GABRA2: variants seen among roughly 807,000 people sequenced by gnomAD.
GABRA2 encodes the protein gamma-aminobutyric acid receptor subunit alpha-2.
Under a neutral mutation model 48.7 loss-of-function variants are expected in GABRA2, and 16 were observed. The ratio of observed to expected loss-of-function variants is 0.33; its 90% CI spans 0.22 to 0.50. GABRA2 has a LOEUF of 0.50. Ranked by LOEUF, GABRA2 falls within the 20% of genes least tolerant of loss-of-function variation. The probability of loss-of-function intolerance (pLI) is 0.98; values close to 1 mark genes in which losing one functional copy is unlikely to be tolerated. For missense variants in GABRA2, 275 were observed against 535.6 expected (o/e 0.51, Z 4.80); for synonymous variants, 185 against 184.5 (o/e 1.00, Z -0.02).
At chr4:46,337,650 CAAAAAA>C (rs71652880) in intron 3 of GABRA2, among the ~76,000 whole-genome samples, 1 of 107,738 alleles carries the variant, frequency 9.3e-6, no homozygotes, top group African/African-American at 3.5e-5. Flanking sequence ...TTGTTAAGAC[CAAAAAA>C]AAAAAAAAAA....
In GABRA2 at chr4:46,312,691, C is replaced by T; in HGVS notation, c.281G>A (p.Arg94Gln). Residue 94 changes from arginine (R) to glutamine (Q), a missense_variant, in exon 5 of 10, where the codon CGA (arginine) becomes CAA (glutamine). Transcript: ENST00000381620. The part of the protein sequence containing the change: ...DMEYTIDVFF[R>Q]QKWKDERLKF... ...TAAACGTTCATCTTTCCATTTTTGTCGAAAGAAAACATCAATTGTATATTC... is the reference window on the plus strand; with the variant it reads ...TAAACGTTCATCTTTCCATTTTTGTTGAAAGAAAACATCAATTGTATATTC... 1 of 1,489,424 alleles carries T rather than the reference C, an allele frequency of 6.7e-7. No homozygotes were observed. Among genetic ancestry groups the T allele is most frequent in the African/African-American group, 1.4e-5 (1 of 69,024 alleles). The allele number at this position is 1,489,424 out of a possible 1,614,324, so 92.3% of individuals were successfully genotyped here. A position where few individuals can be genotyped will look rare whatever the true frequency, so the allele number is the denominator to read the frequency against.
At chr4:46,304,741 AAC>A (rs1263127420) in intron 7 of GABRA2, among the ~76,000 whole-genome samples, 3 of 151,898 alleles carry the variant, frequency 2.0e-5, no homozygotes. Context: ...CATCCTGGCC[AAC>A]AAAGTGAAAC....
intron 2 of GABRA2, 146 bp from the exon 3 acceptor site, chr4:46,386,335 T>C (rs1416127259): frequency 4.5e-5 from 26 of 572,360 alleles, no homozygotes; most frequent in Non-Finnish European, 7.0e-5. Flanking sequence ...CTTCTATAAA[T>C]ATCGGTTTGT....
At chr4:46,255,976 G>A (rs541448446) in intron 9 of GABRA2, among the ~76,000 whole-genome samples, 3 of 151,406 alleles carry the variant, frequency 2.0e-5, no homozygotes, top group African/African-American at 7.2e-5. Context: ...TAAAGAAATG[G>A]GGCTCTCATT....
chr4:46,389,152 C>T, intron 1 of GABRA2: 1 of 990,654 alleles, frequency 1.0e-6, no homozygotes, highest in African/African-American at 1.7e-5. Context: ...CGCCACAACC[C>T]CCTCAACCAA....
chr4:46,303,367 C>T, intron 8 of GABRA2, 93 bp downstream of exon 8: 2 of 1,300,106 alleles, frequency 1.5e-6, no homozygotes, highest in Non-Finnish European at 1.1e-6. Context: ...CCACCTACTA[C>T]AAATAATTAG....
At chr4:46,297,020 C>G (rs929004590) in intron 8 of GABRA2, among the ~76,000 whole-genome samples, 7 of 152,044 alleles carry the variant, frequency 4.6e-5, no homozygotes, top group African/African-American at 1.7e-4. Context: ...TTATTATTGT[C>G]TTTATTTGAA....
At chr4:46,288,835 C>T (rs774007674) in intron 8 of GABRA2, among the ~76,000 whole-genome samples, 10 of 151,842 alleles carry the variant, frequency 6.6e-5, no homozygotes, top group Non-Finnish European at 1.2e-4. Flanking sequence ...GTCTAACATC[C>T]AGCATCTATA....
At chr4:46,388,220 A>T (rs1717738843) in intron 2 of GABRA2, among the ~76,000 whole-genome samples, 1 of 151,594 alleles carries the variant, frequency 6.6e-6, no homozygotes, top group South Asian at 2.1e-4. Context: ...CCATACCATT[A>T]AAAAAAGAAA....
intron 3 of GABRA2, among the ~76,000 whole-genome samples, chr4:46,337,016 A>ATTTTATATATAT (rs1457104567): frequency 6.6e-6 from 1 of 152,172 alleles, no homozygotes; most frequent in African/African-American, 2.4e-5. Flanking sequence ...AAATCTTTGC[A>ATTTTATATATAT]AAACTATGAA....
Position 46,368,896 on chromosome 4 carries a change from G to A in GABRA2, c.187+17178C>T, listed in dbSNP as rs1165141569. 6.2e-6 allele frequency: 4 copies of A among 640,166 alleles called. No homozygotes were observed. The African/African-American group carries it at 7.2e-5, about 12-fold the overall frequency. The allele number at this position is 640,166 out of a possible 1,614,324, so 39.7% of individuals were successfully genotyped here. On this transcript the variant is annotated intron_variant, in intron 3 of 9. Coordinates refer to ENST00000381620, the MANE Select transcript of GABRA2 (RefSeq NM_000807.4). The stretch of plus-strand genomic sequence containing the variant: ...TCTCCAGTTCTTCAATCTCCATTAT[G>A]CTCCACTCATTCCTTTATTTGTTCT...
At chr4:46,252,374 C>G (rs190818555) in intron 9 of GABRA2, among the ~76,000 whole-genome samples, 4 of 151,414 alleles carry the variant, frequency 2.6e-5, no homozygotes, top group Non-Finnish European at 4.4e-5. Flanking sequence ...GAAATTATAG[C>G]GAACACTTTT....
At chr4:46,273,249 T>G (rs1178495665) in intron 8 of GABRA2, among the ~76,000 whole-genome samples, 4 of 151,774 alleles carry the variant, frequency 2.6e-5, no homozygotes, top group Non-Finnish European at 5.9e-5. Context: ...TTGTTTTTCA[T>G]TTTTTAAATT....
In GABRA2 at chr4:46,277,028, G is replaced by T. The variant is rs186380137; in HGVS notation, c.857-14900C>A. Among the ~76,000 whole-genome samples the T allele has an allele frequency of 7.5e-3, 1,141 of 152,042 alleles. 3 individuals carry two copies. The highest frequency in any genetic ancestry group is 0.012 in the Non-Finnish European group (844 of 67,996). ...AAAAAGAAATCACCAAAAAACAATT[G>T]CATATACTTTTAATTCCCCCCTATG... On this transcript the variant is annotated intron_variant, in intron 8 of 9. Coordinates refer to ENST00000381620, the MANE Select transcript of GABRA2 (RefSeq NM_000807.4).
intron 3 of GABRA2, among the ~76,000 whole-genome samples, chr4:46,341,067 A>T (rs1455607012): frequency 6.6e-6 from 1 of 151,820 alleles, no homozygotes; most frequent in Non-Finnish European, 1.5e-5. Context: ...GGTTTCTATG[A>T]GATCCTTTAA....
At chr4:46,323,056 G>A (rs1183925492) in intron 4 of GABRA2, among the ~76,000 whole-genome samples, 2 of 151,570 alleles carry the variant, frequency 1.3e-5, no homozygotes, top group Non-Finnish European at 2.9e-5. Flanking sequence ...TTTACAGAAT[G>A]TATATAGTAT....
intron 9 of GABRA2, among the ~76,000 whole-genome samples, chr4:46,255,211 C>T (rs541835323): frequency 3.3e-4 from 50 of 151,702 alleles, no homozygotes; most frequent in South Asian, 1.0e-3. Context: ...GAAACGTTTG[C>T]TTAATGATAA....
chr4:46,251,511 C>T (rs1022141770), intron 9 of GABRA2, among the ~76,000 whole-genome samples: 5 of 151,284 alleles, frequency 3.3e-5, no homozygotes, highest in African/African-American at 1.2e-4. Context: ...ATGATATTTC[C>T]CCAGCCCAGA....
intron 8 of GABRA2, among the ~76,000 whole-genome samples, chr4:46,266,778 G>T (rs1404593971): frequency 7.3e-6 from 1 of 137,756 alleles, no homozygotes; most frequent in Non-Finnish European, 1.5e-5. Context: ...CTAGAGGGCA[G>T]TGACATGGTC....
Sources: allele counts gnomAD v4.1 joint callset (sites outside exome capture counted in the v4.1 genomes callset), GRCh38; gene constraint gnomAD v4.1.1; transcripts MANE v1.5; gene names NCBI Gene and HGNC (gene_info 2026-07-23, HGNC 2026-07-21).